GLT1D1: variants seen among roughly 807,000 people sequenced by gnomAD.
GLT1D1 encodes the protein glycosyltransferase 1 domain-containing protein 1.
GLT1D1 carries 21 observed loss-of-function variants against 28.7 expected under a neutral mutation model. The observed-to-expected ratio is 0.73, with a 90% CI of 0.52 to 1.05. GLT1D1 has a LOEUF of 1.05. Among genes scored for constraint, GLT1D1 ranks in the 50% least tolerant of loss-of-function variants. The probability of loss-of-function intolerance (pLI) is 0.00; values close to 1 mark genes in which losing one functional copy is unlikely to be tolerated. For synonymous variants in GLT1D1, 147 were observed against 124.8 expected (o/e 1.18, Z -1.19); for missense variants, 343 against 330.6 (o/e 1.04, Z -0.29).
chr12:128,857,397 G>A (rs768252267), intron 1 of GLT1D1, among the ~76,000 whole-genome samples: 19 of 152,214 alleles, frequency 1.2e-4, no homozygotes, highest in Non-Finnish European at 2.6e-4. Context: ...AATAAAGGCT[G>A]CTATTCAGGC....
chr12:128,930,462 G>A (rs946662066), intron 4 of GLT1D1: 22 of 152,348 alleles, frequency 1.4e-4, no homozygotes, highest in African/African-American at 5.3e-4. Context: ...TTCACAAAAA[G>A]TATAAGCAGT....
intron 1 of GLT1D1, among the ~76,000 whole-genome samples, chr12:128,866,150 G>T (rs146695102): frequency 0.01 from 1,516 of 149,086 alleles, 9 homozygotes; most frequent in Non-Finnish European, 0.016. Context: ...CTCACTGCAA[G>T]CTCTGCCTGC....
intron 7 of GLT1D1, among the ~76,000 whole-genome samples, chr12:128,971,898 C>T (rs1212252910): frequency 7.2e-6 from 1 of 138,274 alleles, no homozygotes; most frequent in African/African-American, 2.9e-5. Flanking sequence ...TTTCTGTGCG[C>T]CATTGACCTC....
At chr12:128,973,753 C>T (rs946553855) in intron 7 of GLT1D1, among the ~76,000 whole-genome samples, 2 of 152,012 alleles carry the variant, frequency 1.3e-5, no homozygotes, top group Non-Finnish European at 2.9e-5. Flanking sequence ...TTCAGCCAGC[C>T]GGGTGTGTGT....
chr12:128,959,103 C>T (rs977477522), intron 7 of GLT1D1, among the ~76,000 whole-genome samples: 2 of 151,764 alleles, frequency 1.3e-5, no homozygotes, highest in Admixed American at 1.3e-4. Flanking sequence ...TCCTGAAGTA[C>T]TGGGATTACA....
At chr12:128,980,308 G>T (rs1880199418) in intron 7 of GLT1D1, among the ~76,000 whole-genome samples, 1 of 152,192 alleles carries the variant, frequency 6.6e-6, no homozygotes, top group Admixed American at 6.5e-5. Flanking sequence ...TGGAGACAGG[G>T]TCTTCTTCCC....
chr12:128,884,879 GATAA>G (rs1957141688), intron 2 of GLT1D1, among the ~76,000 whole-genome samples: 2 of 150,710 alleles, frequency 1.3e-5, no homozygotes, highest in South Asian at 4.2e-4. Context: ...CCAAATAAAT[GATAA>G]ATATGTGAGG....
At chr12:128,907,007 T>A (rs1263927264) in intron 4 of GLT1D1, 1 of 700,910 alleles carries the variant, frequency 1.4e-6, no homozygotes, top group Admixed American at 2.0e-5. Flanking sequence ...CGGAATGAGC[T>A]GCGTGTCTCC....
At chr12:128,890,692 G>C (rs1322303740) in intron 3 of GLT1D1, among the ~76,000 whole-genome samples, 1 of 151,078 alleles carries the variant, frequency 6.6e-6, no homozygotes, top group Non-Finnish European at 1.5e-5. Flanking sequence ...GGCTGAGGCA[G>C]AAGAATCACT....
chr12:128,930,174 A>G (rs1216137120), intron 4 of GLT1D1: 1 of 152,234 alleles, frequency 6.6e-6, no homozygotes, highest in Non-Finnish European at 1.5e-5. Flanking sequence ...GTTAAGTCCC[A>G]TAGAGGTATG....
chr12:128,956,171 A>AAAGAG lies in GLT1D1; in HGVS notation c.541-1373_541-1372insAGAGA, dbSNP rs374597920. Reference sequence around the variant, plus strand: ...GAGACTCCATCTCAAAAAAAAAAAAAAGAGAAAGAGAGAAAGAAAGAAAGA... The same window carrying AAAGAG: ...GAGACTCCATCTCAAAAAAAAAAAAAAAGAGAGAGAAAGAGAGAAAGAAAGAAAGA... On this transcript the variant is annotated intron_variant, in intron 6 of 7. Transcript: ENST00000281703. Among the ~76,000 whole-genome samples the AAAGAG allele has an allele frequency of 9.4e-5, 6 of 63,988 alleles. 2 individuals are homozygous for AAAGAG. Among genetic ancestry groups the AAAGAG allele is most frequent in the East Asian group, 8.2e-4 (2 of 2,448 alleles). The allele number at this position is 63,988 out of a possible 152,430, so 42.0% of individuals were successfully genotyped here.
At chr12:128,952,448 G>C (rs1876796104) in intron 6 of GLT1D1, among the ~76,000 whole-genome samples, 1 of 114,562 alleles carries the variant, frequency 8.7e-6, no homozygotes, top group Non-Finnish European at 1.7e-5. Flanking sequence ...GGGGGGTGGG[G>C]CTGAAAAGGG....
rs1403652624 is a variant in GLT1D1 at position 128,982,677 on chromosome 12, CGTGTGTGTGCATGTGTGTGCATAT to C, written c.640-237_640-214del. Among the ~76,000 whole-genome samples, 69 of 151,698 alleles carry C rather than the reference CGTGTGTGTGCATGTGTGTGCATAT, an allele frequency of 4.5e-4. 1 individual carries two copies. Among genetic ancestry groups the C allele is most frequent in the African/African-American group, 1.2e-3 (49 of 41,346 alleles). ...TGATGTTCATCCCAGCATATGTGTGCGTGTGTGTGCATGTGTGTGCATATGTGTGTGTGCATGTATGTGTGCGTG... is the reference window on the plus strand; with the variant it reads ...TGATGTTCATCCCAGCATATGTGTGCGTGTGTGTGCATGTATGTGTGCGTG... On this transcript the variant is annotated intron_variant, in intron 7 of 7. Coordinates refer to ENST00000281703, the MANE Select transcript of GLT1D1 (RefSeq NM_144669.3).
At chr12:128,943,349 T>C (rs577892001) in intron 4 of GLT1D1, among the ~76,000 whole-genome samples, 1 of 152,030 alleles carries the variant, frequency 6.6e-6, no homozygotes, top group Non-Finnish European at 1.5e-5. Flanking sequence ...GTTTTCTCTT[T>C]TCTCTCTTTT....
chr12:128,980,990 G>A (rs897100482), intron 7 of GLT1D1, among the ~76,000 whole-genome samples: 6 of 152,200 alleles, frequency 3.9e-5, no homozygotes, highest in Non-Finnish European at 7.3e-5. Context: ...GTCTACAGGC[G>A]CGTGTCCAGC....
At chr12:128,946,635 CTTTTTTTTTTTTTTT>C (rs61498838) in intron 5 of GLT1D1, among the ~76,000 whole-genome samples, 22 of 64,160 alleles carry the variant, frequency 3.4e-4, no homozygotes, top group Non-Finnish European at 5.4e-4. Flanking sequence ...GCCCGGCCTC[CTTTTTTTTTTTTTTT>C]TTTTTTTTTT....
intron 1 of GLT1D1, among the ~76,000 whole-genome samples, chr12:128,871,198 A>T (rs1371131973): frequency 3.9e-5 from 6 of 152,218 alleles, no homozygotes; most frequent in Non-Finnish European, 5.9e-5. Flanking sequence ...CGAAGAACAT[A>T]AAATAGCAAT....
chr12:128,979,929 C>T (rs1189692739), intron 7 of GLT1D1, among the ~76,000 whole-genome samples: 1 of 152,234 alleles, frequency 6.6e-6, no homozygotes, highest in Non-Finnish European at 1.5e-5. Context: ...TTATCAACTA[C>T]TGTACTGAGA....
intron 4 of GLT1D1, among the ~76,000 whole-genome samples, chr12:128,935,955 G>A (rs1874510659): frequency 1.3e-5 from 2 of 152,094 alleles, no homozygotes; most frequent in South Asian, 4.1e-4. Context: ...CACGCATGTC[G>A]TGGATTCTGG....
Sources: allele counts gnomAD v4.1 joint callset (sites outside exome capture counted in the v4.1 genomes callset), GRCh38; gene constraint gnomAD v4.1.1; transcripts MANE v1.5; gene names NCBI Gene and HGNC (gene_info 2026-07-23, HGNC 2026-07-21).